PTPRR: variants seen among roughly 807,000 people sequenced by gnomAD.
PTPRR encodes protein tyrosine phosphatase receptor type R, also known as receptor-type tyrosine-protein phosphatase R.
Under a neutral mutation model 77.2 loss-of-function variants are expected in PTPRR, and 38 were observed. The ratio of observed to expected loss-of-function variants is 0.49; its 90% CI spans 0.38 to 0.65. PTPRR has a LOEUF of 0.65. Ranked by LOEUF, PTPRR falls within the 30% of genes least tolerant of loss-of-function variation. The pLI is 0.00. For missense variants in PTPRR, 744 were observed against 799.2 expected (o/e 0.93, Z 0.83); for synonymous variants, 299 against 283.1 (o/e 1.06, Z -0.57).
At chr12:70,726,129 G>C (rs1375415652) in intron 6 of PTPRR, among the ~76,000 whole-genome samples, 1 of 149,264 alleles carries the variant, frequency 6.7e-6, no homozygotes, top group Non-Finnish European at 1.5e-5. Flanking sequence ...TTATGTTTTT[G>C]CAAAACATTT....
At chr12:70,826,420 C>T (rs1350392417) in intron 2 of PTPRR, among the ~76,000 whole-genome samples, 1 of 152,166 alleles carries the variant, frequency 6.6e-6, no homozygotes, top group African/African-American at 2.4e-5. Context: ...CTAATGAGCA[C>T]TGCTGCCTTA....
At chr12:70,660,100 C>T (rs769711989) in intron 12 of PTPRR, among the ~76,000 whole-genome samples, 24 of 151,720 alleles carry the variant, frequency 1.6e-4, no homozygotes, top group Non-Finnish European at 2.9e-4. Flanking sequence ...TCACTTGAGC[C>T]AAGGAGGCGG....
intron 2 of PTPRR, among the ~76,000 whole-genome samples, chr12:70,848,767 G>A (rs1328355404): frequency 1.3e-5 from 2 of 152,158 alleles, no homozygotes; most frequent in African/African-American, 4.8e-5. Flanking sequence ...ATGACTTATA[G>A]TTACACCAAA....
At chr12:70,845,651 G>A (rs1464376843) in intron 2 of PTPRR, among the ~76,000 whole-genome samples, 3 of 152,188 alleles carry the variant, frequency 2.0e-5, no homozygotes, top group South Asian at 2.1e-4. Flanking sequence ...ACTGCATCAT[G>A]AATCTTAAGT....
In PTPRR at chr12:70,917,773, C is replaced by T. The variant is rs149353708; in HGVS notation, c.58+2560G>A. Among the ~76,000 whole-genome samples the T allele has an allele frequency of 2.9e-3, 444 of 152,270 alleles. 2 individuals are homozygous for T. The highest frequency in any genetic ancestry group is 1.0e-2 in the African/African-American group (414 of 41,548). The stretch of plus-strand genomic sequence containing the variant: ...GCAGTTTGCTACTTATCATTACAGG[C>T]ATGGTTATATTGAAGGCAACAGTTC... On this transcript the variant is annotated intron_variant, in intron 1 of 13. Coordinates refer to ENST00000283228, the MANE Select transcript of PTPRR (RefSeq NM_002849.4).
At chr12:70,901,859 C>T (rs958367406) in intron 1 of PTPRR, among the ~76,000 whole-genome samples, 2 of 151,652 alleles carry the variant, frequency 1.3e-5, no homozygotes, top group South Asian at 2.1e-4. Context: ...AAAATCTTCA[C>T]AATCTATTCT....
In PTPRR at chr12:70,638,611, A is replaced by G. The variant is rs1885855982; in HGVS notation, c.*573T>C. On this transcript the variant is annotated 3_prime_UTR_variant, in exon 14 of 14. Transcript: ENST00000283228. The stretch of plus-strand genomic sequence containing the variant: ...ATATTATCAAGACACATTTCCATAT[A>G]AAATAGTTACTGTTTTTGATTTTTG... The G allele has an allele frequency of 6.5e-6, 1 of 152,826 alleles. No homozygotes were observed. The highest frequency in any genetic ancestry group is 1.5e-5 in the Non-Finnish European group (1 of 68,254). The allele number at this position is 152,826 out of a possible 1,614,324, so 9.5% of individuals were successfully genotyped here.
In PTPRR at chr12:70,920,604, C is replaced by A. The variant is rs1341063909; in HGVS notation, c.-214G>T. 2 of 516,546 alleles carry A rather than the reference C, an allele frequency of 3.9e-6. No homozygotes were observed. The highest frequency in any genetic ancestry group is 7.0e-6 in the Non-Finnish European group (2 of 283,800). 32.0% of individuals were successfully genotyped at this position (516,546 alleles called of 1,614,324 possible). On this transcript the variant is annotated 5_prime_UTR_variant, in exon 1 of 14. Coordinates refer to ENST00000283228, the MANE Select transcript of PTPRR (RefSeq NM_002849.4). Reference sequence around the variant, plus strand: ...AGAGAGGAAGAGCAGTAGGAGGTTGCGGGTAAGGGGAACAGAAGCGCTCAG... The same window carrying A: ...AGAGAGGAAGAGCAGTAGGAGGTTGAGGGTAAGGGGAACAGAAGCGCTCAG...
chr12:70,845,142 T>A (rs754628230), intron 2 of PTPRR, among the ~76,000 whole-genome samples: 1 of 152,302 alleles, frequency 6.6e-6, no homozygotes, highest in Non-Finnish European at 1.5e-5. Flanking sequence ...GCAGATCTTA[T>A]GGGCTGCAGA....
At chr12:70,918,716 T>C (rs1053924661) in intron 1 of PTPRR, among the ~76,000 whole-genome samples, 1 of 152,220 alleles carries the variant, frequency 6.6e-6, no homozygotes, top group African/African-American at 2.4e-5. Context: ...TTTGAAAAAA[T>C]GACTACACTG....
At chr12:70,693,831 A>G (rs908902785) in intron 8 of PTPRR, among the ~76,000 whole-genome samples, 1 of 152,192 alleles carries the variant, frequency 6.6e-6, no homozygotes, top group Non-Finnish European at 1.5e-5. Context: ...TTCTCTATAC[A>G]TAGATGGTAC....
chr12:70,744,863 A>T (rs978353787), intron 6 of PTPRR, among the ~76,000 whole-genome samples: 2 of 152,180 alleles, frequency 1.3e-5, no homozygotes, highest in Non-Finnish European at 2.9e-5. Context: ...TTAAATATAA[A>T]ATTAAAGCTT....
At position 70,892,771 on chromosome 12, in the gene PTPRR, C is replaced by T. The variant is rs567626445; in HGVS notation, c.265G>A (p.Ala89Thr). ...QIVNSAFPRP[A>T]YDPSLNLLAM... is the part of the protein sequence containing the mutation. ...AGCAGATTGAGAGACGGGTCATATG[C>T]GGGTCTAGGAAATGCTGAATTGACA... The change falls in exon 2 of 14, where the codon GCA becomes ACA. Residue 89 changes from alanine to threonine, a missense_variant. Ala to Thr is a moderately conservative substitution (Grantham distance 58). Coordinates refer to ENST00000283228, the MANE Select transcript of PTPRR (RefSeq NM_002849.4). 4.8e-5 allele frequency: 77 copies of T among 1,613,124 alleles called. No homozygotes were observed. The highest frequency in any genetic ancestry group is 2.9e-4 in the South Asian group (26 of 91,068).
chr12:70,705,507 A>AACGG lies in PTPRR; in HGVS notation c.1008-4185_1008-4184insCCGT, dbSNP rs551906567. 2.3e-3 allele frequency among the ~76,000 whole-genome samples: 286 copies of AACGG among 124,010 alleles called. 1 individual carries two copies. Among genetic ancestry groups the AACGG allele is most frequent in the African/African-American group, 8.6e-3 (273 of 31,654 alleles). 81.4% of individuals were successfully genotyped at this position (124,010 alleles called of 152,430 possible). A position where few individuals can be genotyped will look rare whatever the true frequency, so the allele number is the denominator to read the frequency against. On this transcript the variant is annotated intron_variant, in intron 6 of 13. Coordinates refer to ENST00000283228, the MANE Select transcript of PTPRR (RefSeq NM_002849.4). ...CATTTAGCAACCAATAAAGAATGGAAATGGAAGAGGACAAAATGAAACAGA... is the reference window on the plus strand; with the variant it reads ...CATTTAGCAACCAATAAAGAATGGAAACGGATGGAAGAGGACAAAATGAAACAGA...
At chr12:70,782,936 G>C (rs1891235600) in intron 2 of PTPRR, among the ~76,000 whole-genome samples, 1 of 152,138 alleles carries the variant, frequency 6.6e-6, no homozygotes, top group Non-Finnish European at 1.5e-5. Context: ...GAGTGGCCTT[G>C]GTCAAATTTC....
chr12:70,799,211 G>T (rs922393651), intron 2 of PTPRR, among the ~76,000 whole-genome samples: 5 of 152,008 alleles, frequency 3.3e-5, no homozygotes, highest in Admixed American at 2.0e-4. Context: ...AGCCATGTAG[G>T]ATAAGTCTAT....
At chr12:70,883,799 T>C (rs77868094) in intron 2 of PTPRR, among the ~76,000 whole-genome samples, 4,358 of 152,304 alleles carry the variant, frequency 0.029, 100 homozygotes, top group Non-Finnish European at 0.045. Context: ...CATGAAAATC[T>C]AATATTTGGC....
At chr12:70,769,948 C>G (rs989253718) in intron 2 of PTPRR, among the ~76,000 whole-genome samples, 1 of 152,042 alleles carries the variant, frequency 6.6e-6, no homozygotes, top group Non-Finnish European at 1.5e-5. Context: ...GGAAAACTGG[C>G]TAGCCATATG....
chr12:70,672,293 G>T lies in PTPRR; in HGVS notation c.1498-9688C>A. Reference sequence around the variant, plus strand: ...CCACTGCAAAGAACAGAATGTGCCCGTGCCCACGGAACCGATCAACTTCAG... The same window carrying T: ...CCACTGCAAAGAACAGAATGTGCCCTTGCCCACGGAACCGATCAACTTCAG... On this transcript the variant is annotated intron_variant, in intron 10 of 13. Coordinates refer to ENST00000283228, the MANE Select transcript of PTPRR (RefSeq NM_002849.4). 4 of 1,590,448 alleles carry T rather than the reference G, an allele frequency of 2.5e-6. No individual in the cohort carries two copies. In the South Asian group the frequency reaches 3.3e-5, roughly 13 times the overall value.
Sources: allele counts gnomAD v4.1 joint callset (sites outside exome capture counted in the v4.1 genomes callset), GRCh38; gene constraint gnomAD v4.1.1; transcripts MANE v1.5; gene names NCBI Gene and HGNC (gene_info 2026-07-23, HGNC 2026-07-21).